Variants in ST6GALNAC3 observed in about 807,000 individuals in gnomAD.
ST6GALNAC3 encodes alpha-N-acetylgalactosaminide alpha-2,6-sialyltransferase 3.
A neutral mutation model predicts 32.7 loss-of-function variants in ST6GALNAC3; 25 were observed. That is an observed-to-expected ratio of 0.76 (90% CI 0.56 to 1.07). The LOEUF is 1.07. Among genes scored for constraint, ST6GALNAC3 ranks in the 50% least tolerant of loss-of-function variants. ST6GALNAC3 has a pLI of 0.00. For synonymous variants in ST6GALNAC3, 129 were observed against 133.1 expected (o/e 0.97, Z 0.21); for missense variants, 355 against 382.4 (o/e 0.93, Z 0.60).
At chr1:76,090,420 G>C (rs1220734632) in intron 1 of ST6GALNAC3, among the ~76,000 whole-genome samples, 1 of 152,184 alleles carries the variant, frequency 6.6e-6, no homozygotes, top group Non-Finnish European at 1.5e-5. Context: ...CTAACTGGCC[G>C]GATGGCTGTG....
At chr1:76,419,657 TCTTGGATG>T (rs1473776966) in intron 3 of ST6GALNAC3, among the ~76,000 whole-genome samples, 3 of 152,124 alleles carry the variant, frequency 2.0e-5, no homozygotes, top group Admixed American at 2.0e-4. Flanking sequence ...TTTTCTCTAT[TCTTGGATG>T]CTTGACTCTT....
chr1:76,336,385 G>C (rs986010345), intron 2 of ST6GALNAC3, among the ~76,000 whole-genome samples: 1 of 152,218 alleles, frequency 6.6e-6, no homozygotes, highest in African/African-American at 2.4e-5. Flanking sequence ...ATGAATAAGT[G>C]AATCCCAAGA....
chr1:76,359,479 T>C (rs1649755418), intron 2 of ST6GALNAC3, among the ~76,000 whole-genome samples: 1 of 152,206 alleles, frequency 6.6e-6, no homozygotes, highest in South Asian at 2.1e-4. Context: ...TGGGGTTATG[T>C]TTCCACAGAT....
At position 76,618,494 on chromosome 1, in the gene ST6GALNAC3, T is replaced by C. The variant is rs112640609; in HGVS notation, c.624-8958T>C. 2.6e-3 allele frequency among the ~76,000 whole-genome samples: 395 copies of C among 152,294 alleles called. 2 individuals are homozygous for C. The highest frequency in any genetic ancestry group is 8.9e-3 in the African/African-American group (368 of 41,560). ...TTATTAACACAATGTCTAGTACATA[T>C]AAATGCTCTAAAAACAATACAATTA... On this transcript the variant is annotated intron_variant, in intron 3 of 4. Transcript: ENST00000328299.
At chr1:76,521,284 C>CAT (rs58867351) in intron 3 of ST6GALNAC3, among the ~76,000 whole-genome samples, 187 of 149,882 alleles carry the variant, frequency 1.2e-3, no homozygotes, top group South Asian at 6.1e-3. Context: ...TATATACAGA[C>CAT]ATATATATAT....
chr1:76,616,354 T>C (rs532746966), intron 3 of ST6GALNAC3, among the ~76,000 whole-genome samples: 9 of 152,210 alleles, frequency 5.9e-5, no homozygotes, highest in Non-Finnish European at 8.8e-5. Context: ...CAAAATTTAA[T>C]TGGAATAGCA....
intron 1 of ST6GALNAC3, among the ~76,000 whole-genome samples, chr1:76,260,425 C>T (rs1658160829): frequency 6.6e-6 from 1 of 152,136 alleles, no homozygotes; most frequent in Admixed American, 6.6e-5. Flanking sequence ...AGTAATAGTC[C>T]CCAGTTATTG....
At chr1:76,135,312 A>G (rs1649872980) in intron 1 of ST6GALNAC3, among the ~76,000 whole-genome samples, 1 of 152,144 alleles carries the variant, frequency 6.6e-6, no homozygotes, top group Non-Finnish European at 1.5e-5. Flanking sequence ...CATTTGTGTT[A>G]ATCTATATTT....
intron 1 of ST6GALNAC3, among the ~76,000 whole-genome samples, chr1:76,094,648 T>G (rs1647098296): frequency 6.6e-6 from 1 of 152,186 alleles, no homozygotes; most frequent in South Asian, 2.1e-4. Context: ...GAATTTTAAG[T>G]AGAGGAAACG....
In ST6GALNAC3 at chr1:76,536,749, C is replaced by A. The variant is rs1177712564; in HGVS notation, c.624-90703C>A. ...AAAGATCAAAAAAGACAAAGAAGAG[C>A]ATTACATAAAAGGGAACAATTCAAC... On this transcript the variant is annotated intron_variant, in intron 3 of 4. Coordinates refer to ENST00000328299, the MANE Select transcript of ST6GALNAC3 (RefSeq NM_152996.4). Among the ~76,000 whole-genome samples the A allele has an allele frequency of 3.5e-5, 3 of 84,826 alleles. No individual in the cohort carries two copies. In the Admixed American group the frequency reaches 3.6e-4, roughly 10 times the overall value. 55.6% of individuals were successfully genotyped at this position (84,826 alleles called of 152,430 possible).
intron 2 of ST6GALNAC3, among the ~76,000 whole-genome samples, chr1:76,401,314 T>C (rs981260765): frequency 4.2e-4 from 64 of 152,266 alleles, no homozygotes; most frequent in African/African-American, 1.5e-3. Flanking sequence ...ATTTCTTGAG[T>C]TCTTTATTTC....
At chr1:76,524,326 G>C (rs1232830031) in intron 3 of ST6GALNAC3, among the ~76,000 whole-genome samples, 1 of 152,062 alleles carries the variant, frequency 6.6e-6, no homozygotes, top group Non-Finnish European at 1.5e-5. Context: ...AAGCCATCTT[G>C]AACTAGAACC....
chr1:76,550,332 T>C (rs1366332841), intron 3 of ST6GALNAC3, among the ~76,000 whole-genome samples: 3 of 152,238 alleles, frequency 2.0e-5, no homozygotes, highest in African/African-American at 4.8e-5. Context: ...GGAATCATTG[T>C]TATATAATAT....
chr1:76,279,689 C>T (rs1659386432), intron 1 of ST6GALNAC3, among the ~76,000 whole-genome samples: 1 of 152,162 alleles, frequency 6.6e-6, no homozygotes, highest in Non-Finnish European at 1.5e-5. Context: ...TCCATGGTAG[C>T]CACTTCGTCA....
chr1:76,249,622 T>G (rs1388064112), intron 1 of ST6GALNAC3, among the ~76,000 whole-genome samples: 1 of 152,186 alleles, frequency 6.6e-6, no homozygotes, highest in Non-Finnish European at 1.5e-5. Context: ...TTAATTCTCT[T>G]GGGTATATAC....
chr1:76,575,256 A>G (rs1184858706), intron 3 of ST6GALNAC3, among the ~76,000 whole-genome samples: 1 of 152,118 alleles, frequency 6.6e-6, no homozygotes, highest in Non-Finnish European at 1.5e-5. Context: ...GTTTCCTTCT[A>G]AAAATAAAAC....
At chr1:76,242,446 A>T (rs1420225901) in intron 1 of ST6GALNAC3, among the ~76,000 whole-genome samples, 6 of 151,698 alleles carry the variant, frequency 4.0e-5, no homozygotes, top group South Asian at 2.1e-4. Flanking sequence ...CCTTTTTTTT[A>T]AAAAAATTTA....
chr1:76,136,843 T>C (rs1162937267), intron 1 of ST6GALNAC3, among the ~76,000 whole-genome samples: 1 of 152,220 alleles, frequency 6.6e-6, no homozygotes, highest in Non-Finnish European at 1.5e-5. Context: ...TTTTGTAAAG[T>C]TGTCAAATCT....
chr1:76,138,736 C>T (rs1407633644), intron 1 of ST6GALNAC3, among the ~76,000 whole-genome samples: 1 of 152,122 alleles, frequency 6.6e-6, no homozygotes. Context: ...AGTAGAGTGC[C>T]TTTTTACATT....
Sources: allele counts gnomAD v4.1 joint callset (sites outside exome capture counted in the v4.1 genomes callset), GRCh38; gene constraint gnomAD v4.1.1; transcripts MANE v1.5; gene names NCBI Gene and HGNC (gene_info 2026-07-23, HGNC 2026-07-21).